GABBR2: variants seen among roughly 807,000 people sequenced by gnomAD.
GABBR2 encodes the protein gamma-aminobutyric acid type B receptor subunit 2.
A neutral mutation model predicts 105.6 loss-of-function variants in GABBR2; 23 were observed. The observed-to-expected ratio is 0.22, with a 90% CI of 0.16 to 0.31. GABBR2 has a LOEUF of 0.31. GABBR2 is among the 10% of genes least tolerant of loss of function. GABBR2 has a pLI of 1.00. For synonymous variants in GABBR2, 478 were observed against 499.7 expected (o/e 0.96, Z 0.58); for missense variants, 734 against 1,245.5 (o/e 0.59, Z 6.18).
intron 13 of GABBR2, among the ~76,000 whole-genome samples, chr9:98,312,682 C>T (rs1830653960): frequency 6.6e-6 from 1 of 152,186 alleles, no homozygotes; most frequent in South Asian, 2.1e-4. Flanking sequence ...CTAACTCTAC[C>T]ATTCTATTTA....
intron 1 of GABBR2, among the ~76,000 whole-genome samples, chr9:98,587,272 A>G (rs1829091087): frequency 6.6e-6 from 1 of 152,174 alleles, no homozygotes. Context: ...TCCCAGCCAC[A>G]ATGCCAAGCT....
At chr9:98,440,932 A>T (rs7357609) in intron 7 of GABBR2, among the ~76,000 whole-genome samples, 21,251 of 152,186 alleles carry the variant, frequency 0.14, 1,724 homozygotes, top group East Asian at 0.23. Context: ...ACACACAGAG[A>T]GGGAGATTCT....
At chr9:98,673,597 CA>C (rs1453814259) in intron 1 of GABBR2, among the ~76,000 whole-genome samples, 1 of 40,076 alleles carries the variant, frequency 2.5e-5, no homozygotes, top group Admixed American at 3.7e-4. Context: ...AAAAAAAAAA[CA>C]GGGAATAAAA....
intron 1 of GABBR2, among the ~76,000 whole-genome samples, chr9:98,659,828 C>T (rs1027760452): frequency 6.6e-6 from 1 of 151,834 alleles, no homozygotes; most frequent in Non-Finnish European, 1.5e-5. Context: ...GCCTAAACAA[C>T]CGTTTTAAAA....
chr9:98,531,602 C>T (rs1002698920), intron 3 of GABBR2, among the ~76,000 whole-genome samples: 1 of 152,216 alleles, frequency 6.6e-6, no homozygotes, highest in Non-Finnish European at 1.5e-5. Flanking sequence ...GTGGCTCTCA[C>T]CTAGGTGGGG....
chr9:98,520,225 G>T (rs1827840355), intron 3 of GABBR2, among the ~76,000 whole-genome samples: 1 of 152,220 alleles, frequency 6.6e-6, no homozygotes, highest in Admixed American at 6.5e-5. Flanking sequence ...GGGAGGTGTG[G>T]AAAACATGCC....
chr9:98,705,409 C>T (rs891892181), intron 1 of GABBR2, among the ~76,000 whole-genome samples: 4 of 152,194 alleles, frequency 2.6e-5, no homozygotes, highest in African/African-American at 9.7e-5. Flanking sequence ...TTAACCCATT[C>T]CTTGCTAAAT....
chr9:98,421,908 C>A (rs773686471), intron 7 of GABBR2, among the ~76,000 whole-genome samples: 13 of 152,146 alleles, frequency 8.5e-5, no homozygotes, highest in Admixed American at 4.6e-4. Flanking sequence ...ATCTTTGAAA[C>A]CCAGAGGCAG....
chr9:98,406,409 C>G (rs529423448), intron 7 of GABBR2, among the ~76,000 whole-genome samples: 89 of 152,368 alleles, frequency 5.8e-4, no homozygotes, highest in Non-Finnish European at 7.9e-4. Flanking sequence ...TCATGATCAC[C>G]ATGACTATTA....
intron 1 of GABBR2, among the ~76,000 whole-genome samples, chr9:98,611,266 A>G (rs1829501795): frequency 6.6e-6 from 1 of 152,030 alleles, no homozygotes; most frequent in South Asian, 2.1e-4. Flanking sequence ...TCCACTGCCT[A>G]CCTTGTCCCT....
Position 98,551,501 on chromosome 9 carries a change from A to G in GABBR2, c.460-9458T>C, listed in dbSNP as rs184007571. Among the ~76,000 whole-genome samples the G allele has an allele frequency of 4.1e-4, 62 of 152,344 alleles. 1 individual carries two copies. The highest frequency in any genetic ancestry group is 1.0e-4 in the Non-Finnish European group (7 of 68,036). On this transcript the variant is annotated intron_variant, in intron 2 of 18. Transcript: ENST00000259455. ...TTTATACCTGAAAAAACTGTGGCCC[A>G]GAAAGGTCATCCAGTAGACCAGGGA...
At chr9:98,455,425 C>A (rs991214466) in intron 6 of GABBR2, among the ~76,000 whole-genome samples, 4 of 152,166 alleles carry the variant, frequency 2.6e-5, no homozygotes, top group African/African-American at 9.7e-5. Flanking sequence ...AAAAATCACA[C>A]ACAGGACAAT....
chr9:98,299,163 A>T, intron 17 of GABBR2, 61 bp downstream of exon 17: 1 of 1,418,898 alleles, frequency 7.0e-7, no homozygotes, highest in Non-Finnish European at 1.0e-6. Context: ...AAAATGGAAG[A>T]TGAACAGCTG....
intron 1 of GABBR2, chr9:98,606,973 C>G: frequency 3.8e-6 from 3 of 780,964 alleles, no homozygotes; most frequent in Non-Finnish European, 6.8e-6. Flanking sequence ...GCATCCAAAC[C>G]GCTGCTCGCC....
intron 3 of GABBR2, among the ~76,000 whole-genome samples, chr9:98,498,539 G>C (rs984456286): frequency 2.6e-5 from 4 of 152,202 alleles, no homozygotes; most frequent in Non-Finnish European, 5.9e-5. Flanking sequence ...ACTGTGATGG[G>C]AGCTGCCATC....
chr9:98,610,779 GAGAAAA>G (rs1389275315), intron 1 of GABBR2, among the ~76,000 whole-genome samples: 1 of 150,140 alleles, frequency 6.7e-6, no homozygotes, highest in South Asian at 2.1e-4. Flanking sequence ...CTAGGACTGT[GAGAAAA>G]AAAAAAAACG....
intron 6 of GABBR2, among the ~76,000 whole-genome samples, chr9:98,468,352 G>T (rs1203911037): frequency 2.0e-5 from 3 of 152,082 alleles, no homozygotes; most frequent in African/African-American, 7.2e-5. Context: ...TGTCTATCGG[G>T]AGTCAGCTGT....
intron 13 of GABBR2, among the ~76,000 whole-genome samples, chr9:98,357,243 G>A (rs2131435064): frequency 6.6e-6 from 1 of 152,324 alleles, no homozygotes; most frequent in South Asian, 2.1e-4. Context: ...AATTGTGGGG[G>A]TGGGTGGAGG....
intron 13 of GABBR2, among the ~76,000 whole-genome samples, chr9:98,320,955 G>T (rs1830810478): frequency 6.6e-6 from 1 of 151,682 alleles, no homozygotes; most frequent in Non-Finnish European, 1.5e-5. Context: ...ATGTGCACAT[G>T]TACCCTAAAA....
Sources: gnomAD v4.1 joint callset for allele counts (sites outside exome capture counted in the v4.1 genomes callset) on GRCh38, gnomAD v4.1.1 for gene constraint, MANE v1.5 for transcripts, NCBI Gene and HGNC (gene_info 2026-07-23, HGNC 2026-07-21) for gene names.